The following AP3S1 variants were observed in gnomAD, a reference collection of about 807,000 sequenced individuals.
AP3S1 encodes the protein AP-3 complex subunit sigma-1.
In AP3S1, 12 loss-of-function variants were observed where a neutral mutation model predicts 21.3. The observed-to-expected ratio is 0.56, with a 90% CI of 0.36 to 0.91. AP3S1 has a LOEUF of 0.91. Ranked by LOEUF, AP3S1 falls within the 40% of genes least tolerant of loss-of-function variation. The probability of loss-of-function intolerance (pLI) is 0.01; values close to 1 mark genes in which losing one functional copy is unlikely to be tolerated. For synonymous variants in AP3S1, 48 were observed against 78.4 expected, an observed-to-expected ratio of 0.61 and a Z score of 2.05; for missense variants, 116 against 225.0, an observed-to-expected ratio of 0.52 and a Z score of 3.10.
chr5:115,868,843 T>C (rs12514553), intron 2 of AP3S1, among the ~76,000 whole-genome samples: 55,834 of 149,430 alleles, frequency 0.37, 10,915 homozygotes, highest in Admixed American at 0.46. Flanking sequence ...GATAGCACCA[T>C]TGCACTCCAG....
intron 3 of AP3S1, among the ~76,000 whole-genome samples, chr5:115,884,266 T>C (rs1026469569): frequency 1.3e-5 from 2 of 152,244 alleles, no homozygotes; most frequent in African/African-American, 4.8e-5. Context: ...TATATTATGG[T>C]TACTCTTAAG....
chr5:115,867,949 G>C (rs1747839888), intron 2 of AP3S1, among the ~76,000 whole-genome samples: 1 of 152,184 alleles, frequency 6.6e-6, no homozygotes, highest in African/African-American at 2.4e-5. Context: ...TTGCAGCAGA[G>C]ATGAGGCCTC....
At chr5:115,887,384 A>G (rs978063755) in intron 3 of AP3S1, among the ~76,000 whole-genome samples, 7 of 146,400 alleles carry the variant, frequency 4.8e-5, no homozygotes, top group African/African-American at 1.5e-4. Flanking sequence ...TTCATTTATT[A>G]TTGTAGATTC....
chr5:115,906,746 C>A, intron 5 of AP3S1: 1 of 1,188,680 alleles, frequency 8.4e-7, no homozygotes, highest in Admixed American at 2.7e-5. Context: ...TTAGTCACTA[C>A]TTTTTGAAAG....
chr5:115,861,391 T>A (rs1763169432), intron 1 of AP3S1, among the ~76,000 whole-genome samples: 1 of 152,174 alleles, frequency 6.6e-6, no homozygotes, highest in Admixed American at 6.6e-5. Flanking sequence ...GAGAACGTTT[T>A]ATGGCATGGT....
intron 3 of AP3S1, among the ~76,000 whole-genome samples, chr5:115,872,873 A>C (rs935825110): frequency 6.6e-6 from 1 of 152,200 alleles, no homozygotes; most frequent in Non-Finnish European, 1.5e-5. Flanking sequence ...TTACAGAAAA[A>C]AAATTAATAT....
intron 1 of AP3S1, among the ~76,000 whole-genome samples, chr5:115,865,323 G>T (rs933946918): frequency 6.6e-6 from 1 of 152,124 alleles, no homozygotes. Flanking sequence ...AAGAGAAAAA[G>T]TGTAGTGGAG....
chr5:115,879,236 T>C (rs1561500674), intron 3 of AP3S1, among the ~76,000 whole-genome samples: 1 of 152,208 alleles, frequency 6.6e-6, no homozygotes, highest in Non-Finnish European at 1.5e-5. Flanking sequence ...AATACTGTGT[T>C]GAATAGGAGT....
chr5:115,874,744 T>C (rs2112852470), intron 3 of AP3S1, among the ~76,000 whole-genome samples: 1 of 152,274 alleles, frequency 6.6e-6, no homozygotes, highest in East Asian at 1.9e-4. Flanking sequence ...GTTGAGCAAG[T>C]TATTTATTCT....
chr5:115,912,532 ATAT>A (rs1397371095), intron 5 of AP3S1, among the ~76,000 whole-genome samples: 1 of 152,054 alleles, frequency 6.6e-6, no homozygotes, highest in Non-Finnish European at 1.5e-5. Flanking sequence ...GGAAAGCCAA[ATAT>A]TATGCACTAG....
At chr5:115,906,802 C>G in intron 5 of AP3S1, 1 of 1,492,950 alleles carries the variant, frequency 6.7e-7, no homozygotes, top group Non-Finnish European at 8.9e-7. Context: ...CTAGCTCTTT[C>G]CATTCTTCTC....
At chr5:115,899,468 G>A (rs1751032060) in intron 4 of AP3S1, among the ~76,000 whole-genome samples, 1 of 152,206 alleles carries the variant, frequency 6.6e-6, no homozygotes, top group Middle Eastern at 3.4e-3. Context: ...TATTTATTTT[G>A]GTATGGCTGG....
chr5:115,902,586 G>A (rs1751306622), intron 4 of AP3S1, among the ~76,000 whole-genome samples: 1 of 152,026 alleles, frequency 6.6e-6, no homozygotes, highest in Non-Finnish European at 1.5e-5. Context: ...ATATTTACTA[G>A]TCATTTACTT....
At chr5:115,868,842 A>G (rs1290744821) in intron 2 of AP3S1, among the ~76,000 whole-genome samples, 2 of 150,860 alleles carry the variant, frequency 1.3e-5, no homozygotes, top group African/African-American at 2.4e-5. Context: ...AGATAGCACC[A>G]TTGCACTCCA....
chr5:115,869,956 G>A, intron 2 of AP3S1, 61 bp from the exon 3 acceptor site: 1 of 1,043,704 alleles, frequency 9.6e-7, no homozygotes, highest in East Asian at 2.6e-5. Flanking sequence ...CAGTTTGCTT[G>A]AGCTAATGAA....
chr5:115,905,679 G>C (rs1353811434), intron 5 of AP3S1, among the ~76,000 whole-genome samples: 2 of 152,132 alleles, frequency 1.3e-5, no homozygotes, highest in Non-Finnish European at 2.9e-5. Flanking sequence ...AAGGCTTCTA[G>C]CTTTATTCCA....
In AP3S1 at chr5:115,893,782, C is replaced by G. The variant is rs1750521868; in HGVS notation, c.274-1305C>G. On this transcript the variant is annotated intron_variant, in intron 3 of 5. Transcript: ENST00000316788. The stretch of plus-strand genomic sequence containing the variant: ...AACTAGGGATAGTCCTGGTTTATAG[C>G]TGTTGTTCCAGGCTGTTATTACATT... 2.0e-5 allele frequency among the ~76,000 whole-genome samples: 3 copies of G among 152,106 alleles called. No homozygotes were observed. In the South Asian group the frequency reaches 6.2e-4, roughly 32 times the overall value.
At chr5:115,848,654 G>A (rs906030243) in intron 1 of AP3S1, among the ~76,000 whole-genome samples, 1 of 152,052 alleles carries the variant, frequency 6.6e-6, no homozygotes, top group Non-Finnish European at 1.5e-5. Context: ...AGTCTTTTTT[G>A]TACCTGTGGA....
In AP3S1 at chr5:115,860,418, C is replaced by G. The variant is rs138899965; in HGVS notation, c.70-6252C>G. 5.1e-3 allele frequency among the ~76,000 whole-genome samples: 772 copies of G among 152,300 alleles called. 2 individuals are homozygous for G. Among genetic ancestry groups the G allele is most frequent in the South Asian group, 7.3e-3 (35 of 4,826 alleles). Reference sequence around the variant, plus strand: ...CGTTTTTCTGGCTACCACAGTACCCCTTGCTCTCCGAAGACCCTCCCTTTG... The same window carrying G: ...CGTTTTTCTGGCTACCACAGTACCCGTTGCTCTCCGAAGACCCTCCCTTTG... On this transcript the variant is annotated intron_variant, in intron 1 of 5. Transcript: ENST00000316788.
Sources: gnomAD v4.1 joint callset for allele counts (sites outside exome capture counted in the v4.1 genomes callset) on GRCh38, gnomAD v4.1.1 for gene constraint, MANE v1.5 for transcripts, NCBI Gene and HGNC (gene_info 2026-07-23, HGNC 2026-07-21) for gene names.